The following PHLPP2 variants were observed in gnomAD, a reference collection of about 807,000 sequenced individuals.
The protein encoded by PHLPP2 is PH domain leucine-rich repeat-containing protein phosphatase 2.
PHLPP2 carries 66 observed loss-of-function variants against 124.9 expected under a neutral mutation model. The ratio of observed to expected loss-of-function variants is 0.53; its 90% CI spans 0.43 to 0.65. PHLPP2 has a LOEUF of 0.65. Among genes scored for constraint, PHLPP2 ranks in the 30% least tolerant of loss-of-function variants. PHLPP2 has a pLI of 0.00. For synonymous variants in PHLPP2, 681 were observed against 624.7 expected, an observed-to-expected ratio of 1.09 and a Z score of -1.34; for missense variants, 1,685 against 1,600.4, an observed-to-expected ratio of 1.05 and a Z score of -0.90.
chr16:71,664,068 G>A lies in PHLPP2; in HGVS notation c.1816C>T (p.Leu606=). The stretch of plus-strand genomic sequence containing the variant: ...GTGCAGGCGGATGGTAAAGACTCCA[G>A]ACTATTTGCAGATGCATTCAAGTAT... The part of the protein sequence containing the change: ...LRYLNASANS[L]ESLPSACTGE... Residue 606 remains leucine, a synonymous_variant, in exon 13 of 19, where the codon CTG becomes TTG. Transcript: ENST00000568954. 6.2e-7 allele frequency: 1 copy of A among 1,613,686 alleles called. No homozygotes were observed. The highest frequency in any genetic ancestry group is 1.6e-4 in the Middle Eastern group (1 of 6,062).
At position 71,649,966 on chromosome 16, in the gene PHLPP2, G is replaced by A; in HGVS notation, c.2896C>T (p.Pro966Ser). The A allele has an allele frequency of 6.2e-7, 1 of 1,613,996 alleles. No homozygotes were observed. The highest frequency in any genetic ancestry group is 8.5e-7 in the Non-Finnish European group (1 of 1,179,960). The change falls in exon 19 of 19, where the codon CCC (proline) becomes TCC (serine). Residue 966 changes from proline (P) to serine (S), a missense_variant. Pro to Ser is a moderately conservative substitution (Grantham distance 74, BLOSUM62 -1). Transcript: ENST00000568954. ...TYLYPWILPK[P>S]HISSTPLTIQ... is the part of the protein sequence containing the mutation. ...GTCAGCGGAGTGGAAGATATGTGGG[G>A]CTTGGGGAGGATCCAAGGGTAGAGG...
chr16:71,723,734 C>T, intron 1 of PHLPP2: 1 of 1,029,748 alleles, frequency 9.7e-7, no homozygotes, highest in Non-Finnish European at 1.3e-6. Context: ...CCCGCTCGCC[C>T]GCTCGCTCGC....
At chr16:71,686,059 T>C (rs1349612692) in intron 4 of PHLPP2, among the ~76,000 whole-genome samples, 2 of 152,146 alleles carry the variant, frequency 1.3e-5, no homozygotes, top group Non-Finnish European at 2.9e-5. Flanking sequence ...TGAGCTGAGA[T>C]CGTGCCACTG....
Position 71,649,349 on chromosome 16 carries a change from G to A in PHLPP2, c.3513C>T (p.Ile1171=). 6.2e-7 allele frequency: 1 copy of A among 1,613,434 alleles called. No individual in the cohort carries two copies. The highest frequency in any genetic ancestry group is 8.5e-7 in the Non-Finnish European group (1 of 1,179,478). ...NGSKVEVEVD[I]HCCRGRDLEN... ...CCAGATCCCTCCCCCTGCAGCAGTGGATGTCTACTTCCACCTCTACCTTGC... is the reference window on the plus strand; with the variant it reads ...CCAGATCCCTCCCCCTGCAGCAGTGAATGTCTACTTCCACCTCTACCTTGC... The change falls in exon 19 of 19, where the codon ATC becomes ATT. Residue 1171 remains isoleucine, a synonymous_variant. Coordinates refer to ENST00000568954, the MANE Select transcript of PHLPP2 (RefSeq NM_015020.3).
intron 1 of PHLPP2, chr16:71,723,340 G>C (rs1267594110): frequency 6.6e-6 from 1 of 152,292 alleles, no homozygotes; most frequent in Non-Finnish European, 1.5e-5. Flanking sequence ...AGGTGTCCGG[G>C]AGGGGAGAAA....
In PHLPP2 at chr16:71,652,770, T is replaced by G; in HGVS notation, c.2817+20A>C. On this transcript the variant is annotated intron_variant, in intron 18 of 18. Transcript: ENST00000568954. ...CACTGATTTGGGGAGCAGAAGTGAC[T>G]GGCGGGGAGCGGAACACACCTCTGT... is the stretch of plus-strand genomic sequence containing the variant. 6.4e-7 allele frequency: 1 copy of G among 1,568,780 alleles called. No individual in the cohort carries two copies. Among genetic ancestry groups the G allele is most frequent in the Non-Finnish European group, 8.8e-7 (1 of 1,139,348 alleles).
chr16:71,652,334 A>G (rs1281473127), intron 18 of PHLPP2, among the ~76,000 whole-genome samples: 2 of 152,232 alleles, frequency 1.3e-5, no homozygotes, highest in African/African-American at 4.8e-5. Context: ...AAAAGCTATA[A>G]AACAGTAGAA....
chr16:71,678,735 G>T lies in PHLPP2; in HGVS notation c.1268+20C>A. ...CACCAGAGTCAATTTAAAGGAAGGTGTGGTAAAGAATAACCTTACCTTAAA... is the reference window on the plus strand; with the variant it reads ...CACCAGAGTCAATTTAAAGGAAGGTTTGGTAAAGAATAACCTTACCTTAAA... On this transcript the variant is annotated intron_variant, in intron 8 of 18. Transcript: ENST00000568954. 2 of 1,196,252 alleles carry T rather than the reference G, an allele frequency of 1.7e-6. No individual in the cohort carries two copies. Among genetic ancestry groups the T allele is most frequent in the Non-Finnish European group, 2.5e-6 (2 of 798,824 alleles). 74.1% of individuals were successfully genotyped at this position (1,196,252 alleles called of 1,614,324 possible).
chr16:71,702,534 G>C, intron 3 of PHLPP2, 64 bp downstream of exon 3: 1 of 1,355,714 alleles, frequency 7.4e-7, no homozygotes, highest in Admixed American at 1.9e-5. Flanking sequence ...GCTGACGGCA[G>C]ATAAGAGGCA....
At chr16:71,655,101 G>A in intron 17 of PHLPP2, 139 bp downstream of exon 17, 1 of 650,496 alleles carries the variant, frequency 1.5e-6, no homozygotes, top group Non-Finnish European at 2.8e-6. Context: ...TGCTCATATA[G>A]AGAATGATCA....
chr16:71,650,746 A>G (rs955790859), intron 18 of PHLPP2, among the ~76,000 whole-genome samples: 1 of 152,246 alleles, frequency 6.6e-6, no homozygotes, highest in Non-Finnish European at 1.5e-5. Context: ...AAAGTCATCA[A>G]TAAATTAATA....
chr16:71,681,505 G>A (rs1011472363), intron 6 of PHLPP2, among the ~76,000 whole-genome samples: 5 of 151,994 alleles, frequency 3.3e-5, no homozygotes, highest in African/African-American at 9.7e-5. Context: ...ATCATACATC[G>A]GTGTCAATGA....
chr16:71,701,221 T>C (rs1319107463), intron 3 of PHLPP2, among the ~76,000 whole-genome samples: 2 of 152,210 alleles, frequency 1.3e-5, no homozygotes, highest in Non-Finnish European at 2.9e-5. Flanking sequence ...TTTTAAGTCC[T>C]AACTTTTGAG....
At chr16:71,710,319 T>C (rs2045315525) in intron 2 of PHLPP2, among the ~76,000 whole-genome samples, 1 of 152,180 alleles carries the variant, frequency 6.6e-6, no homozygotes, top group Non-Finnish European at 1.5e-5. Context: ...TAAGGTTTCC[T>C]CAAGTGCTAA....
chr16:71,687,717 A>T (rs1018991197), intron 4 of PHLPP2, among the ~76,000 whole-genome samples: 5 of 152,136 alleles, frequency 3.3e-5, no homozygotes, highest in African/African-American at 9.7e-5. Flanking sequence ...TCTTATCCCG[A>T]GTGTATCACA....
intron 3 of PHLPP2, among the ~76,000 whole-genome samples, chr16:71,696,590 T>C (rs898774882): frequency 1.3e-5 from 2 of 151,192 alleles, no homozygotes; most frequent in African/African-American, 4.9e-5. Context: ...TGAGCTGAGA[T>C]TGCACCCGGC....
At chr16:71,674,446 A>G (rs1424775435) in intron 9 of PHLPP2, among the ~76,000 whole-genome samples, 1 of 150,904 alleles carries the variant, frequency 6.6e-6, no homozygotes, top group Non-Finnish European at 1.5e-5. Context: ...CATCCTGAAT[A>G]TGGTTTTCAT....
intron 11 of PHLPP2, 111 bp downstream of exon 11, chr16:71,669,164 G>T (rs751168483): frequency 4.5e-6 from 3 of 667,744 alleles, no homozygotes; most frequent in Non-Finnish European, 8.0e-6. Context: ...TGCTCAGCAG[G>T]TACTCAACAC....
chr16:71,669,294 G>A lies in PHLPP2; in HGVS notation c.1609C>T (p.Leu537Phe), dbSNP rs1200381376. 6.2e-7 allele frequency: 1 copy of A among 1,610,892 alleles called. No individual in the cohort carries two copies. Among genetic ancestry groups the A allele is most frequent in the African/African-American group, 1.3e-5 (1 of 74,892 alleles). The stretch of plus-strand genomic sequence containing the variant: ...ACATACCTCACGGGAACCTCTGTGA[G>A]AAGATTATAGCTCACATCTAATACT... ...IEVLDVSYNLLTEVPVRILSS... is the reference protein window; with the variant it reads ...IEVLDVSYNLFTEVPVRILSS... Residue 537 changes from leucine (L) to phenylalanine (F), a missense_variant, in exon 11 of 19, where the codon CTC becomes TTC. Transcript: ENST00000568954.
Sources: gnomAD v4.1 joint callset for allele counts (sites outside exome capture counted in the v4.1 genomes callset) on GRCh38, gnomAD v4.1.1 for gene constraint, MANE v1.5 for transcripts, NCBI Gene and HGNC (gene_info 2026-07-23, HGNC 2026-07-21) for gene names.